Variants in UEVLD observed in about 807,000 individuals in gnomAD.
UEVLD encodes the protein UEV and lactate/malate dehyrogenase domains, also known as ubiquitin-conjugating enzyme E2 variant 3.
In UEVLD, 47 loss-of-function variants were observed where a neutral mutation model predicts 58.6. The ratio of observed to expected loss-of-function variants is 0.80; its 90% CI spans 0.63 to 1.02. The LOEUF is 1.02. Among genes scored for constraint, UEVLD ranks in the 50% least tolerant of loss-of-function variants. The pLI is 0.00. For synonymous variants in UEVLD, 197 were observed against 195.3 expected, an observed-to-expected ratio of 1.01 and a Z score of -0.07; for missense variants, 510 against 550.6, an observed-to-expected ratio of 0.93 and a Z score of 0.74.
chr11:18,538,425 C>T (rs1026897288), intron 9 of UEVLD, among the ~76,000 whole-genome samples: 5 of 151,656 alleles, frequency 3.3e-5, no homozygotes, highest in Non-Finnish European at 2.9e-5. Context: ...TACAGGTGTG[C>T]GCCTCAGACT....
At chr11:18,542,493 C>T (rs1421506520) in intron 9 of UEVLD, among the ~76,000 whole-genome samples, 4 of 152,088 alleles carry the variant, frequency 2.6e-5, no homozygotes, top group East Asian at 1.9e-4. Context: ...GTCATGCTGT[C>T]GGGTTTTTTA....
intron 3 of UEVLD, among the ~76,000 whole-genome samples, chr11:18,574,255 C>T (rs1350551595): frequency 4.6e-5 from 7 of 152,208 alleles, no homozygotes; most frequent in Admixed American, 2.6e-4. Flanking sequence ...GATTCCCCTG[C>T]CTCAGCCTTC....
chr11:18,548,978 T>A (rs1478145070), intron 7 of UEVLD, among the ~76,000 whole-genome samples: 1 of 152,216 alleles, frequency 6.6e-6, no homozygotes. Context: ...GGAAGGGATA[T>A]ACTTAACAAT....
intron 7 of UEVLD, among the ~76,000 whole-genome samples, chr11:18,558,016 AT>A (rs1421166680): frequency 1.3e-5 from 2 of 152,158 alleles, no homozygotes; most frequent in Admixed American, 6.6e-5. Context: ...AATCTGAATT[AT>A]TTGCTCATTT....
chr11:18,536,958 T>C (rs925067415), intron 9 of UEVLD, among the ~76,000 whole-genome samples: 2 of 146,874 alleles, frequency 1.4e-5, no homozygotes, highest in Non-Finnish European at 3.0e-5. Flanking sequence ...TGCAGTGGCA[T>C]GATCTTGGCT....
intron 6 of UEVLD, 94 bp downstream of exon 6, chr11:18,564,798 G>A (rs1852216112): frequency 4.2e-6 from 3 of 709,118 alleles, no homozygotes; most frequent in Non-Finnish European, 4.2e-6. Context: ...GTTTTCCCAC[G>A]ACAAAATGAA....
intron 6 of UEVLD, among the ~76,000 whole-genome samples, chr11:18,560,198 T>A (rs1434127957): frequency 6.7e-6 from 1 of 149,182 alleles, no homozygotes; most frequent in South Asian, 2.1e-4. Context: ...ACCAGGACAG[T>A]CACTGAATTC....
chr11:18,552,522 G>A (rs1851570883), intron 7 of UEVLD, among the ~76,000 whole-genome samples: 1 of 152,050 alleles, frequency 6.6e-6, no homozygotes, highest in South Asian at 2.1e-4. Context: ...ACTCTAGCCT[G>A]AGCAACCGAG....
intron 3 of UEVLD, among the ~76,000 whole-genome samples, chr11:18,573,730 T>A (rs1176309281): frequency 6.6e-6 from 1 of 152,028 alleles, no homozygotes; most frequent in Admixed American, 6.6e-5. Flanking sequence ...GAACAAAACA[T>A]GAGTGCATCT....
intron 3 of UEVLD, among the ~76,000 whole-genome samples, chr11:18,571,730 G>T (rs909652808): frequency 6.6e-6 from 1 of 152,166 alleles, no homozygotes; most frequent in African/African-American, 2.4e-5. Flanking sequence ...ACATTGGTAG[G>T]CCAAAATGGG....
At chr11:18,556,541 A>G (rs144981617) in intron 7 of UEVLD, among the ~76,000 whole-genome samples, 28 of 152,302 alleles carry the variant, frequency 1.8e-4, no homozygotes, top group African/African-American at 4.3e-4. Flanking sequence ...ATTGTCAAGG[A>G]ATAAAGGGGA....
chr11:18,537,335 TTTTTC>T (rs970495378), intron 9 of UEVLD, among the ~76,000 whole-genome samples: 3 of 147,248 alleles, frequency 2.0e-5, no homozygotes, highest in African/African-American at 7.4e-5. Flanking sequence ...TTTTTTTTTT[TTTTTC>T]TTTTTCTTTT....
chr11:18,542,875 A>C (rs1489360392), intron 9 of UEVLD, among the ~76,000 whole-genome samples: 3 of 110,104 alleles, frequency 2.7e-5, no homozygotes, highest in Non-Finnish European at 3.9e-5. Flanking sequence ...CAGAGGAGTT[A>C]TTTTCTTTTC....
At chr11:18,561,120 T>C (rs140071454) in intron 6 of UEVLD, among the ~76,000 whole-genome samples, 1 of 152,272 alleles carries the variant, frequency 6.6e-6, no homozygotes, top group African/African-American at 2.4e-5. Context: ...AAGCCACACT[T>C]TGTTTAGTAA....
rs775569186 is a variant in UEVLD at position 18,536,462 on chromosome 11, T to C, written c.1068A>G (p.Thr356=). Reference sequence around the variant, plus strand: ...TCACTACTTCTTCTTGGCCACTCCATGTGAGCACTAAAATTAGATGAAGAA... The same window carrying C: ...TCACTACTTCTTCTTGGCCACTCCACGTGAGCACTAAAATTAGATGAAGAA... ...IGEQGEDKVL[T]WSGQEEVVSH... The change falls in exon 10 of 12, where the codon ACA becomes ACG. Residue 356 remains threonine (T), a synonymous_variant. Transcript: ENST00000396197. 4 of 1,613,604 alleles carry C rather than the reference T, an allele frequency of 2.5e-6. No individual in the cohort carries two copies. The highest frequency in any genetic ancestry group is 2.2e-5 in the South Asian group (2 of 91,064).
Position 18,532,280 on chromosome 11 carries a change from C to T in UEVLD, c.*40G>A. On this transcript the variant is annotated 3_prime_UTR_variant, in exon 12 of 12. Coordinates refer to ENST00000396197, the MANE Select transcript of UEVLD (RefSeq NM_001040697.4). ...ATAGGTAAAATTAAATGACTTTTCC[C>T]TTTAGGTAGAAGTCCAGCCTCTCAA... 6.5e-7 allele frequency: 1 copy of T among 1,547,730 alleles called. No individual in the cohort carries two copies. Among genetic ancestry groups the T allele is most frequent in the East Asian group, 2.3e-5 (1 of 43,220 alleles).
chr11:18,551,076 A>T (rs1238283907), intron 7 of UEVLD, among the ~76,000 whole-genome samples: 2 of 152,200 alleles, frequency 1.3e-5, no homozygotes, highest in Non-Finnish European at 2.9e-5. Context: ...TTATACAGTT[A>T]TAAAGAGAAT....
chr11:18,532,620 TTTAC>T (rs767634552), intron 11 of UEVLD, 133 bp from the exon 12 acceptor site: 91 of 632,126 alleles, frequency 1.4e-4, no homozygotes, highest in Non-Finnish European at 2.1e-4. Context: ...TTTTTGTTCA[TTTAC>T]TTATTTTATT....
At chr11:18,534,253 T>C (rs1268960774) in intron 11 of UEVLD, 77 bp downstream of exon 11, 1 of 1,144,164 alleles carries the variant, frequency 8.7e-7, no homozygotes, top group Non-Finnish European at 1.2e-6. Context: ...GGTTAGAGTA[T>C]GAATAATGAT....
Sources: allele counts gnomAD v4.1 joint callset (sites outside exome capture counted in the v4.1 genomes callset), GRCh38; gene constraint gnomAD v4.1.1; transcripts MANE v1.5; gene names NCBI Gene and HGNC (gene_info 2026-07-23, HGNC 2026-07-21).